KCTD9: variants seen among roughly 807,000 people sequenced by gnomAD.
The protein encoded by KCTD9 is BTB/POZ domain-containing protein KCTD9.
Under a neutral mutation model 53.3 loss-of-function variants are expected in KCTD9, and 17 were observed. That is an observed-to-expected ratio of 0.32 (90% CI 0.22 to 0.48). KCTD9 has a LOEUF of 0.48. Ranked by LOEUF, KCTD9 falls within the 20% of genes least tolerant of loss-of-function variation. The pLI is 0.99. For missense variants in KCTD9, 179 were observed against 465.5 expected (o/e 0.38, Z 5.66); for synonymous variants, 128 against 162.7 (o/e 0.79, Z 1.62).
At chr8:25,454,338 CTGAATGAATGAA>C (rs113821011) in intron 1 of KCTD9, among the ~76,000 whole-genome samples, 1 of 152,128 alleles carries the variant, frequency 6.6e-6, no homozygotes, top group African/African-American at 2.4e-5. Flanking sequence ...TAAGTGTTCA[CTGAATGAATGAA>C]TGAATGAATG....
chr8:25,454,916 T>C (rs1159670404), intron 1 of KCTD9, among the ~76,000 whole-genome samples: 1 of 152,160 alleles, frequency 6.6e-6, no homozygotes, highest in Non-Finnish European at 1.5e-5. Flanking sequence ...TTCTGCCAAA[T>C]ACAGGATTGA....
intron 1 of KCTD9, 113 bp downstream of exon 1, chr8:25,458,086 C>T: frequency 2.8e-6 from 3 of 1,080,580 alleles, no homozygotes; most frequent in Non-Finnish European, 4.0e-6. Flanking sequence ...AGCCCGCGCA[C>T]GCCCACCTCC....
At chr8:25,436,137 A>C in intron 8 of KCTD9, 98 bp downstream of exon 8, 1 of 808,660 alleles carries the variant, frequency 1.2e-6, no homozygotes, top group Non-Finnish European at 2.1e-6. Context: ...CATGTAAAAG[A>C]AAAACAAAGC....
intron 9 of KCTD9, among the ~76,000 whole-genome samples, chr8:25,434,910 G>A (rs1011525096): frequency 1.3e-5 from 2 of 152,106 alleles, no homozygotes; most frequent in African/African-American, 4.8e-5. Context: ...GAGGGAAAAC[G>A]CCACTGAGAT....
rs1324769167 is a variant in KCTD9 at position 25,458,323 on chromosome 8, C to G, written c.-77G>C. ...TCCTCCCACCTTTTTCTCCTCCCGC[C>G]CTTCCCCTCCCTCCACCCACTCGGA... On this transcript the variant is annotated 5_prime_UTR_variant, in exon 1 of 12. Transcript: ENST00000221200. 2.0e-5 allele frequency: 30 copies of G among 1,521,082 alleles called. No individual in the cohort carries two copies. Among genetic ancestry groups the G allele is most frequent in the Non-Finnish European group, 2.7e-5 (30 of 1,102,536 alleles). The allele number at this position is 1,521,082 out of a possible 1,614,324, so 94.2% of individuals were successfully genotyped here.
chr8:25,428,962 T>C lies in KCTD9; in HGVS notation c.*895A>G, dbSNP rs544562849. The stretch of plus-strand genomic sequence containing the variant: ...TTTGGTATTTGAATTAAATGAATAT[T>C]AATGATGCACCTTGGTTTTTTTGGT... On this transcript the variant is annotated 3_prime_UTR_variant, in exon 12 of 12. Transcript: ENST00000221200. 6.6e-6 allele frequency: 1 copy of C among 152,334 alleles called. No homozygotes were observed. Among genetic ancestry groups the C allele is most frequent in the East Asian group, 1.9e-4 (1 of 5,186 alleles). 9.4% of individuals were successfully genotyped at this position (152,334 alleles called of 1,614,324 possible).
chr8:25,440,060 T>G lies in KCTD9; in HGVS notation c.312-396A>C, dbSNP rs900685122. 1.6e-4 allele frequency among the ~76,000 whole-genome samples: 9 copies of G among 55,906 alleles called. No homozygotes were observed. In the East Asian group the frequency reaches 2.0e-3, roughly 12 times the overall value. The allele number at this position is 55,906 out of a possible 152,430, so 36.7% of individuals were successfully genotyped here. On this transcript the variant is annotated intron_variant, in intron 4 of 11. Transcript: ENST00000221200. ...TATTACTCAATATCTAAAAAGCATG[T>G]TTTTTTTTTTTTTTTTGAGAAGGAG...
chr8:25,439,679 A>G lies in KCTD9; in HGVS notation c.312-15T>C, dbSNP rs971526151. 2.4e-5 allele frequency: 38 copies of G among 1,613,292 alleles called. No individual in the cohort carries two copies. Among genetic ancestry groups the G allele is most frequent in the Non-Finnish European group, 3.1e-5 (36 of 1,179,814 alleles). On this transcript the variant is annotated splice_polypyrimidine_tract_variant and intron_variant, in intron 4 of 11. Coordinates refer to ENST00000221200, the MANE Select transcript of KCTD9 (RefSeq NM_017634.4). ...CTAAAGTGCTCCTAAGAATTCAGGG[A>G]AAAAAATTGATTTCTCCATTTGTCT... is the stretch of plus-strand genomic sequence containing the variant.
chr8:25,448,539 CCA>C (rs1802258072), intron 1 of KCTD9, among the ~76,000 whole-genome samples: 1 of 152,218 alleles, frequency 6.6e-6, no homozygotes, highest in African/African-American at 2.4e-5. Flanking sequence ...AAATTTTGTT[CCA>C]TCTTTTATCA....
At chr8:25,443,297 T>C (rs939683162) in intron 3 of KCTD9, among the ~76,000 whole-genome samples, 69 of 152,104 alleles carry the variant, frequency 4.5e-4, no homozygotes, top group African/African-American at 1.6e-3. Flanking sequence ...CAGGAAAAGG[T>C]TTTAAGATGA....
At chr8:25,456,002 A>G (rs973219752) in intron 1 of KCTD9, among the ~76,000 whole-genome samples, 17 of 152,222 alleles carry the variant, frequency 1.1e-4, no homozygotes, top group African/African-American at 3.9e-4. Context: ...GAGAATGCAT[A>G]GCCCTCTCTC....
chr8:25,436,373 T>C (rs779760772), intron 7 of KCTD9, 43 bp from the exon 8 acceptor site: 40 of 1,591,494 alleles, frequency 2.5e-5, no homozygotes, highest in Non-Finnish European at 3.2e-5. Context: ...TTTTGGGAGA[T>C]AGCTACAATG....
chr8:25,439,832 A>AT, intron 4 of KCTD9, 168 bp from the exon 5 acceptor site: 2 of 1,381,230 alleles, frequency 1.4e-6, no homozygotes. Context: ...CATTTATCAG[A>AT]TCCCTTCTAA....
At chr8:25,455,423 G>C (rs1375618223) in intron 1 of KCTD9, among the ~76,000 whole-genome samples, 1 of 152,068 alleles carries the variant, frequency 6.6e-6, no homozygotes, top group African/African-American at 2.4e-5. Flanking sequence ...GGGAGAGGCT[G>C]ATTATTAATA....
intron 1 of KCTD9, among the ~76,000 whole-genome samples, chr8:25,453,752 C>T (rs963596124): frequency 2.0e-5 from 3 of 151,822 alleles, no homozygotes; most frequent in South Asian, 2.1e-4. Flanking sequence ...AGTACAGGAA[C>T]GTGGATAAAC....
chr8:25,458,192 C>T lies in KCTD9; in HGVS notation c.48+7G>A, dbSNP rs779845346. 5.6e-6 allele frequency: 9 copies of T among 1,606,070 alleles called. No homozygotes were observed. In the Admixed American group the frequency reaches 1.5e-4, roughly 27 times the overall value. On this transcript the variant is annotated splice_region_variant and intron_variant, in intron 1 of 11. Transcript: ENST00000221200. ...CGGCCCGCCGCGCCCCCTCACGCCC[C>T]CGTTACCTTTCCGTTCTTGGGGCTG... is the stretch of plus-strand genomic sequence containing the variant.
intron 6 of KCTD9, among the ~76,000 whole-genome samples, chr8:25,436,736 A>C (rs983970023): frequency 3.3e-5 from 5 of 152,210 alleles, no homozygotes; most frequent in Non-Finnish European, 1.5e-5. Flanking sequence ...TAGGAGAATA[A>C]ATTTTAAAAT....
chr8:25,433,240 C>A, intron 10 of KCTD9, 90 bp downstream of exon 10: 1 of 656,016 alleles, frequency 1.5e-6, no homozygotes, highest in South Asian at 2.3e-5. Flanking sequence ...TACAGCTATC[C>A]TGTTTCACCC....
chr8:25,436,523 A>C, intron 6 of KCTD9, 38 bp from the exon 7 acceptor site: 1 of 1,222,122 alleles, frequency 8.2e-7, no homozygotes, highest in South Asian at 1.4e-5. Context: ...AACCTAATTT[A>C]GTGAATGTAT....
Sources: gnomAD v4.1 joint callset for allele counts (sites outside exome capture counted in the v4.1 genomes callset) on GRCh38, gnomAD v4.1.1 for gene constraint, MANE v1.5 for transcripts, NCBI Gene and HGNC (gene_info 2026-07-23, HGNC 2026-07-21) for gene names.